The following RP1 variants were observed in gnomAD, a reference collection of about 807,000 sequenced individuals.
The protein encoded by RP1 is oxygen-regulated protein 1.
In RP1, 16 loss-of-function variants were observed where a neutral mutation model predicts 14.8. That is an observed-to-expected ratio of 1.08 (90% CI 0.73 to 1.65). The LOEUF (loss-of-function observed/expected upper bound fraction) is 1.65. Among genes scored for constraint, RP1 ranks in the 40% most tolerant of loss-of-function variants. The probability of loss-of-function intolerance (pLI) is 0.00; values close to 1 mark genes in which losing one functional copy is unlikely to be tolerated. For missense variants in RP1, 2,631 were observed against 2,535.0 expected, an observed-to-expected ratio of 1.04 and a Z score of -0.81; for synonymous variants, 876 against 883.6, an observed-to-expected ratio of 0.99 and a Z score of 0.15.
chr8:54,607,742 G>C (rs2091939), intron 1 of RP1, among the ~76,000 whole-genome samples: 1 of 152,024 alleles, frequency 6.6e-6, no homozygotes, highest in Non-Finnish European at 1.5e-5. Context: ...CCTCGGCAAC[G>C]GCACGGACCC....
chr8:54,605,783 C>T (rs1479753295), intron 1 of RP1, among the ~76,000 whole-genome samples: 1 of 152,132 alleles, frequency 6.6e-6, no homozygotes, highest in African/African-American at 2.4e-5. Flanking sequence ...GATCCCTTTA[C>T]CATTATGTAA....
At chr8:54,650,636 C>G (rs1585581351) in intron 4 of RP1, among the ~76,000 whole-genome samples, 1 of 151,680 alleles carries the variant, frequency 6.6e-6, no homozygotes, top group African/African-American at 2.4e-5. Flanking sequence ...CCCTTCCTTT[C>G]CCTTTCTCTT....
intron 24 of RP1, among the ~76,000 whole-genome samples, chr8:54,819,009 T>G (rs1041295146): frequency 6.6e-6 from 1 of 151,868 alleles, no homozygotes; most frequent in African/African-American, 2.4e-5. Flanking sequence ...GGAGGTGAAA[T>G]GCACTGGAGG....
Position 54,729,390 on chromosome 8 carries a change from A to G in RP1, c.2521+2914A>G, listed in dbSNP as rs528732629. The stretch of plus-strand genomic sequence containing the variant: ...AGCCATGGCATTTTCTTTCCTAAAT[A>G]TGTTTAGGTGCCAATACTTTAAAAA... On this transcript the variant is annotated intron_variant, in intron 17 of 22. Coordinates refer to the RP1 transcript ENST00000636932. Among the ~76,000 whole-genome samples the G allele has an allele frequency of 3.9e-5, 6 of 152,318 alleles. No individual in the cohort carries two copies. In the South Asian group the frequency reaches 1.2e-3, roughly 32 times the overall value.
At chr8:54,653,197 A>G (rs868274217) in intron 5 of RP1, among the ~76,000 whole-genome samples, 6 of 152,230 alleles carry the variant, frequency 3.9e-5, no homozygotes, top group Admixed American at 2.6e-4. Context: ...TTGTAAAGAT[A>G]GACCACTGTG....
At chr8:54,787,459 G>A (rs371921574) in intron 24 of RP1, among the ~76,000 whole-genome samples, 7 of 151,998 alleles carry the variant, frequency 4.6e-5, no homozygotes, top group East Asian at 1.9e-4. Context: ...TATCTAGGGG[G>A]CGTTCATTGT....
intron 14 of RP1, among the ~76,000 whole-genome samples, chr8:54,703,724 T>C (rs970913315): frequency 2.0e-5 from 3 of 152,220 alleles, no homozygotes; most frequent in African/African-American, 7.2e-5. Context: ...GAAGGCTGTT[T>C]TATTTACACT....
At chr8:54,660,078 T>A (rs1435684803) in intron 6 of RP1, among the ~76,000 whole-genome samples, 1 of 152,156 alleles carries the variant, frequency 6.6e-6, no homozygotes, top group Non-Finnish European at 1.5e-5. Flanking sequence ...TTAACAATTT[T>A]TTTTGTGTGG....
chr8:54,735,658 G>A (rs1029036319), intron 18 of RP1, among the ~76,000 whole-genome samples: 3 of 152,102 alleles, frequency 2.0e-5, no homozygotes, highest in African/African-American at 7.2e-5. Context: ...GTTAATTTTC[G>A]CTGAAGAAAA....
At chr8:54,724,531 C>T (rs958258868) in intron 16 of RP1, among the ~76,000 whole-genome samples, 3 of 152,118 alleles carry the variant, frequency 2.0e-5, no homozygotes, top group African/African-American at 7.2e-5. Flanking sequence ...GGTTCTTTCA[C>T]CTTCACCACA....
intron 4 of RP1, among the ~76,000 whole-genome samples, chr8:54,650,680 C>T (rs1411974201): frequency 7.7e-6 from 1 of 130,670 alleles, no homozygotes; most frequent in Non-Finnish European, 1.6e-5. Flanking sequence ...CTACCTCCCT[C>T]CTCCCTCCTC....
In RP1 at chr8:54,629,203, C is replaced by T. The variant is rs138117956; in HGVS notation, c.5321C>T (p.Thr1774Ile). ...CGNADTTSVD[T>I]LLDNNSSEVP... ...AATGCAGACACCACATCAGTGGACA[C>T]CCTACTTGATAATAACAGCAGTGAG... Residue 1774 changes from threonine (T) to isoleucine (I), a missense_variant, in exon 4 of 4, where the codon ACC (threonine) becomes ATC (isoleucine). Coordinates refer to ENST00000220676, the MANE Select transcript of RP1 (RefSeq NM_006269.2). 2.4e-5 allele frequency: 38 copies of T among 1,613,974 alleles called. No individual in the cohort carries two copies. The highest frequency in any genetic ancestry group is 6.7e-5 in the Admixed American group (4 of 59,994).
intron 3 of RP1, among the ~76,000 whole-genome samples, chr8:54,644,668 C>T (rs1230720098): frequency 6.6e-6 from 1 of 152,178 alleles, no homozygotes; most frequent in East Asian, 1.9e-4. Flanking sequence ...GTTACAGCAG[C>T]ACCCCACTTC....
At chr8:54,618,284 A>G (rs532423299) in intron 1 of RP1, among the ~76,000 whole-genome samples, 1 of 152,270 alleles carries the variant, frequency 6.6e-6, no homozygotes, top group African/African-American at 2.4e-5. Flanking sequence ...GGATAGGGAC[A>G]ATGGCAGCTG....
chr8:54,621,844 A>G (rs1805888688), intron 2 of RP1, among the ~76,000 whole-genome samples: 2 of 152,132 alleles, frequency 1.3e-5, no homozygotes, highest in African/African-American at 4.8e-5. Flanking sequence ...TCCAATCTTG[A>G]TAATATTTTT....
chr8:54,871,187 T>G (rs1812582120), exon 29 of RP1: 1 of 152,118 alleles, frequency 6.6e-6, no homozygotes, highest in Non-Finnish European at 1.5e-5. Context: ...AATATGTCAT[T>G]ACATTTTTTC....
At chr8:54,662,616 T>G (rs1454620160) in intron 6 of RP1, among the ~76,000 whole-genome samples, 2 of 152,012 alleles carry the variant, frequency 1.3e-5, no homozygotes, top group Non-Finnish European at 2.9e-5. Flanking sequence ...ATTTGAGGAG[T>G]TCCCTTTCCT....
Position 54,866,082 on chromosome 8 carries a change from T to C in RP1, c.4151+166T>C, listed in dbSNP as rs1876838. 5.6e-3 allele frequency among the ~76,000 whole-genome samples: 846 copies of C among 152,286 alleles called. 12 individuals carry two copies. Among genetic ancestry groups the C allele is most frequent in the East Asian group, 0.047 (243 of 5,186 alleles). On this transcript the variant is annotated intron_variant, in intron 28 of 28. Transcript: ENST00000637698. Reference sequence around the variant, plus strand: ...TCAAGAAGCTGTCCTTTATCAGCACTAGTAATTCTCTCTTCTTTTGTAATC... The same window carrying C: ...TCAAGAAGCTGTCCTTTATCAGCACCAGTAATTCTCTCTTCTTTTGTAATC...
chr8:54,678,873 A>G (rs778751189), intron 9 of RP1, among the ~76,000 whole-genome samples: 24 of 152,180 alleles, frequency 1.6e-4, no homozygotes, highest in Non-Finnish European at 2.9e-4. Flanking sequence ...AAAAAATAAT[A>G]AATATACACA....
Sources: gnomAD v4.1 joint callset for allele counts (sites outside exome capture counted in the v4.1 genomes callset) on GRCh38, gnomAD v4.1.1 for gene constraint, MANE v1.5 for transcripts, NCBI Gene and HGNC (gene_info 2026-07-23, HGNC 2026-07-21) for gene names.